Variants in CNTNAP2 observed in about 807,000 individuals in gnomAD.
CNTNAP2 encodes the protein contactin associated protein 2.
CNTNAP2 carries 98 observed loss-of-function variants against 155.2 expected under a neutral mutation model. The observed-to-expected ratio is 0.63, with a 90% CI of 0.54 to 0.75. CNTNAP2 has a LOEUF of 0.75. CNTNAP2 is among the 30% of genes least tolerant of loss of function. CNTNAP2 has a pLI of 0.00. For missense variants in CNTNAP2, 1,727 were observed against 1,688.1 expected (o/e 1.02, Z -0.40); for synonymous variants, 651 against 631.2 (o/e 1.03, Z -0.47).
intron 1 of CNTNAP2, among the ~76,000 whole-genome samples, chr7:146,702,883 A>T (rs1002409092): frequency 6.6e-6 from 1 of 152,164 alleles, no homozygotes; most frequent in Non-Finnish European, 1.5e-5. Flanking sequence ...AATTAAGACA[A>T]GTTCATTTCC....
chr7:146,222,658 A>ATT (rs11461655), intron 1 of CNTNAP2, among the ~76,000 whole-genome samples: 2,136 of 138,770 alleles, frequency 0.015, 67 homozygotes, highest in African/African-American at 0.05. Flanking sequence ...GAAAAGGTAA[A>ATT]TTTTTTTTTT....
At chr7:147,706,113 A>G (rs977930428) in intron 13 of CNTNAP2, among the ~76,000 whole-genome samples, 4 of 149,836 alleles carry the variant, frequency 2.7e-5, no homozygotes, top group Non-Finnish European at 5.9e-5. Context: ...TTATTTTGTA[A>G]TGTCTTTTGA....
At chr7:146,191,637 G>A (rs1219508603) in intron 1 of CNTNAP2, among the ~76,000 whole-genome samples, 4 of 152,040 alleles carry the variant, frequency 2.6e-5, no homozygotes, top group Admixed American at 6.6e-5. Flanking sequence ...CTCCCAGAGC[G>A]GCCATTTTAG....
chr7:146,127,608 A>AT (rs1237635072), intron 1 of CNTNAP2, among the ~76,000 whole-genome samples: 1 of 152,134 alleles, frequency 6.6e-6, no homozygotes, highest in Non-Finnish European at 1.5e-5. Context: ...ATTTTAAAAG[A>AT]TTTTCTCTGC....
chr7:146,120,534 C>G (rs117207569), intron 1 of CNTNAP2, among the ~76,000 whole-genome samples: 2 of 152,098 alleles, frequency 1.3e-5, no homozygotes, highest in Non-Finnish European at 2.9e-5. Flanking sequence ...AAACCTACAA[C>G]GTATCATTTT....
intron 1 of CNTNAP2, among the ~76,000 whole-genome samples, chr7:146,610,259 G>A (rs192745722): frequency 6.6e-6 from 1 of 152,154 alleles, no homozygotes; most frequent in African/African-American, 2.4e-5. Context: ...TCTCCTAGGA[G>A]AGAGCAGAGC....
chr7:148,254,158 G>A (rs942754344), intron 20 of CNTNAP2, among the ~76,000 whole-genome samples: 4 of 152,150 alleles, frequency 2.6e-5, no homozygotes, highest in Admixed American at 1.3e-4. Flanking sequence ...AACAGTCAGA[G>A]TAGCCACCCA....
intron 1 of CNTNAP2, among the ~76,000 whole-genome samples, chr7:146,405,036 A>G (rs1423315245): frequency 1.3e-5 from 2 of 152,126 alleles, no homozygotes; most frequent in African/African-American, 4.8e-5. Flanking sequence ...CACATGATCA[A>G]ATTTTAGCCA....
chr7:147,885,839 G>A (rs913738273), intron 13 of CNTNAP2, among the ~76,000 whole-genome samples: 1 of 152,204 alleles, frequency 6.6e-6, no homozygotes. Flanking sequence ...CTCCCAGTCT[G>A]TAGGGAAGAT....
At chr7:147,598,521 T>C (rs1800873408) in intron 12 of CNTNAP2, among the ~76,000 whole-genome samples, 1 of 152,196 alleles carries the variant, frequency 6.6e-6, no homozygotes, top group Non-Finnish European at 1.5e-5. Context: ...CTCATTCTTT[T>C]TTATGGCTGC....
Position 147,280,312 on chromosome 7 carries a change from GCA to G in CNTNAP2, c.1349-19826_1349-19825del, listed in dbSNP as rs376835541. ...ATAACAAAAGCCCTTTTCTGTCTTT[GCA>G]CAGTTCAGAGACAAAAACAGAGGTC... On this transcript the variant is annotated intron_variant, in intron 8 of 23. Coordinates refer to ENST00000361727, the MANE Select transcript of CNTNAP2 (RefSeq NM_014141.6). 2.5e-3 allele frequency among the ~76,000 whole-genome samples: 380 copies of G among 151,906 alleles called. 1 individual carries two copies. The highest frequency in any genetic ancestry group is 3.3e-3 in the Non-Finnish European group (225 of 67,858).
chr7:146,618,024 A>T (rs7801417), intron 1 of CNTNAP2, among the ~76,000 whole-genome samples: 72,703 of 151,312 alleles, frequency 0.48, 18,304 homozygotes, highest in South Asian at 0.57. Flanking sequence ...TTAATTTTTT[A>T]AAAAAAGTAA....
chr7:146,427,052 T>A (rs897581574), intron 1 of CNTNAP2, among the ~76,000 whole-genome samples: 1 of 152,144 alleles, frequency 6.6e-6, no homozygotes, highest in Non-Finnish European at 1.5e-5. Flanking sequence ...AAACAAAAAC[T>A]ATTATAGTTA....
rs767582916 is a variant in CNTNAP2 at position 146,439,850 on chromosome 7, G to A, written c.97+322877G>A. On this transcript the variant is annotated intron_variant, in intron 1 of 23. Transcript: ENST00000361727. The stretch of plus-strand genomic sequence containing the variant: ...TTCAAATAATCTCTCTCGGATAGGC[G>A]TGGTGGCTCACACCTGTAATCTCAG... 5.3e-5 allele frequency among the ~76,000 whole-genome samples: 8 copies of A among 151,664 alleles called. No homozygotes were observed. In the South Asian group the frequency reaches 8.3e-4, roughly 16 times the overall value.
chr7:147,328,559 C>T (rs1795501717), intron 9 of CNTNAP2, among the ~76,000 whole-genome samples: 1 of 152,224 alleles, frequency 6.6e-6, no homozygotes, highest in Non-Finnish European at 1.5e-5. Flanking sequence ...AGCCTTCCAT[C>T]TCTGGAAATA....
chr7:148,183,383 A>G lies in CNTNAP2; in HGVS notation c.3010+10905A>G, dbSNP rs562007050. On this transcript the variant is annotated intron_variant, in intron 18 of 23. Transcript: ENST00000361727. ...TGGAAAACATATATCATTAAAGCCT[A>G]AAGTCTAAAGACAAAAGTTTTAAAG... Among the ~76,000 whole-genome samples, 13 of 152,338 alleles carry G rather than the reference A, an allele frequency of 8.5e-5. No homozygotes were observed. The East Asian group carries it at 2.3e-3, about 27-fold the overall frequency.
At chr7:146,119,557 C>T (rs921249355) in intron 1 of CNTNAP2, among the ~76,000 whole-genome samples, 2 of 152,028 alleles carry the variant, frequency 1.3e-5, no homozygotes, top group Admixed American at 6.5e-5. Context: ...TGTAGATACA[C>T]GGGACACACG....
At chr7:146,575,666 TA>T (rs778090003) in intron 1 of CNTNAP2, among the ~76,000 whole-genome samples, 1 of 152,196 alleles carries the variant, frequency 6.6e-6, no homozygotes, top group African/African-American at 2.4e-5. Context: ...TGCCAACTTT[TA>T]AAACTGAAAT....
chr7:146,159,545 G>C (rs1300339482), intron 1 of CNTNAP2, among the ~76,000 whole-genome samples: 1 of 152,004 alleles, frequency 6.6e-6, no homozygotes, highest in Non-Finnish European at 1.5e-5. Flanking sequence ...GATGGAGGAA[G>C]ATCTACCAAG....
Sources: allele counts gnomAD v4.1 joint callset (sites outside exome capture counted in the v4.1 genomes callset), GRCh38; gene constraint gnomAD v4.1.1; transcripts MANE v1.5; gene names NCBI Gene and HGNC (gene_info 2026-07-23, HGNC 2026-07-21).